The following SLCO6A1 variants were observed in gnomAD, a reference collection of about 807,000 sequenced individuals.
SLCO6A1 encodes cancer/testis antigen 48.
SLCO6A1 carries 65 observed loss-of-function variants against 72.7 expected under a neutral mutation model. That is an observed-to-expected ratio of 0.89 (90% CI 0.73 to 1.10). The LOEUF (loss-of-function observed/expected upper bound fraction) is 1.10, where lower values mean the gene tolerates loss of function less well. Ranked by LOEUF, SLCO6A1 falls within the 50% of genes least tolerant of loss-of-function variation. The pLI is 0.00. For missense variants in SLCO6A1, 874 were observed against 872.6 expected (o/e 1.00, Z -0.02); for synonymous variants, 314 against 298.2 (o/e 1.05, Z -0.55).
chr5:102,412,909 G>A (rs1290562700), intron 9 of SLCO6A1, 81 bp downstream of exon 9: 7 of 584,692 alleles, frequency 1.2e-5, no homozygotes, highest in Non-Finnish European at 1.7e-5. Flanking sequence ...CACTAAAGAG[G>A]AAGAAGCATA....
rs138844385 is a variant in SLCO6A1 at position 102,471,693 on chromosome 5, C to T, written c.899+4004G>A. Among the ~76,000 whole-genome samples, 1,019 of 152,102 alleles carry T rather than the reference C, an allele frequency of 6.7e-3. 9 individuals carry two copies. The highest frequency in any genetic ancestry group is 0.023 in the African/African-American group (970 of 41,510). On this transcript the variant is annotated intron_variant, in intron 4 of 13. Coordinates refer to ENST00000506729, the MANE Select transcript of SLCO6A1 (RefSeq NM_173488.5). Reference sequence around the variant, plus strand: ...AATATCTGTGTACACAAACATTCAACATAGTTCTGGAACCCTATTGCTACT... The same window carrying T: ...AATATCTGTGTACACAAACATTCAATATAGTTCTGGAACCCTATTGCTACT...
chr5:102,493,641 C>G (rs1483290094), intron 1 of SLCO6A1, among the ~76,000 whole-genome samples: 5 of 152,016 alleles, frequency 3.3e-5, no homozygotes, highest in Non-Finnish European at 7.4e-5. Flanking sequence ...GGGAGCCTAG[C>G]CAGTGGAATA....
rs1057360885 is a variant in SLCO6A1, at chr5:102,413,265, T to C, written c.1473-122A>G. On this transcript the variant is annotated intron_variant, in intron 8 of 13. Coordinates refer to ENST00000506729, the MANE Select transcript of SLCO6A1 (RefSeq NM_173488.5). ...TGAAATAATTTCTTTTTTTAACAGC[T>C]TTACTGAGGTCTGAGGTACAATAGA... is the stretch of plus-strand genomic sequence containing the variant. The C allele has an allele frequency of 9.5e-6, 9 of 947,320 alleles. No individual in the cohort carries two copies. In the African/African-American group the frequency reaches 1.4e-4, roughly 15 times the overall value. The allele number at this position is 947,320 out of a possible 1,614,324, so 58.7% of individuals were successfully genotyped here. A position where few individuals can be genotyped will look rare whatever the true frequency, so the allele number is the denominator to read the frequency against.
At chr5:102,434,477 G>T (rs888529135) in intron 7 of SLCO6A1, among the ~76,000 whole-genome samples, 1 of 152,130 alleles carries the variant, frequency 6.6e-6, no homozygotes, top group African/African-American at 2.4e-5. Flanking sequence ...AACCTAGCAG[G>T]AACTCTCATT....
intron 1 of SLCO6A1, among the ~76,000 whole-genome samples, chr5:102,492,477 T>A (rs1257955310): frequency 5.3e-5 from 8 of 151,774 alleles, no homozygotes; most frequent in Non-Finnish European, 1.0e-4. Context: ...AGAAGACAGG[T>A]GATTTCTGCA....
chr5:102,414,937 A>AAATAAATT (rs1561441840), intron 8 of SLCO6A1, among the ~76,000 whole-genome samples: 3 of 120,744 alleles, frequency 2.5e-5, no homozygotes, highest in African/African-American at 8.1e-5. Context: ...ATAAATAAAT[A>AAATAAATT]AATTAATTAA....
At chr5:102,415,133 G>A (rs1748211331) in intron 8 of SLCO6A1, among the ~76,000 whole-genome samples, 1 of 151,948 alleles carries the variant, frequency 6.6e-6, no homozygotes, top group Non-Finnish European at 1.5e-5. Context: ...TGATTTTACT[G>A]CCCAAAGCAA....
At chr5:102,486,423 A>G (rs1044138875) in intron 1 of SLCO6A1, among the ~76,000 whole-genome samples, 5 of 152,110 alleles carry the variant, frequency 3.3e-5, no homozygotes, top group Admixed American at 2.6e-4. Flanking sequence ...CATTCATTGA[A>G]TACTTTAATG....
chr5:102,427,117 G>T (rs1748935340), intron 7 of SLCO6A1, among the ~76,000 whole-genome samples: 1 of 151,860 alleles, frequency 6.6e-6, no homozygotes, highest in Non-Finnish European at 1.5e-5. Context: ...AATAAAAAGA[G>T]ATGATAAAAA....
Position 102,430,174 on chromosome 5 carries a change from G to T in SLCO6A1, c.1276+8443C>A, listed in dbSNP as rs367573154. ...TTTTGTATCCAGAAACTTTGCTGAT[G>T]GCTGTTTCTCAGCTTAAGGAGCTTT... On this transcript the variant is annotated intron_variant, in intron 7 of 13. Transcript: ENST00000506729. Among the ~76,000 whole-genome samples, 4 of 152,150 alleles carry T rather than the reference G, an allele frequency of 2.6e-5. No homozygotes were observed. The East Asian group carries it at 7.7e-4, about 29-fold the overall frequency.
chr5:102,471,011 T>C (rs1339429265), intron 4 of SLCO6A1, among the ~76,000 whole-genome samples: 1 of 152,064 alleles, frequency 6.6e-6, no homozygotes, highest in Non-Finnish European at 1.5e-5. Context: ...TTATAGGCGG[T>C]GGAGTTAGCT....
At chr5:102,423,613 A>T (rs999668514) in intron 7 of SLCO6A1, among the ~76,000 whole-genome samples, 1 of 152,222 alleles carries the variant, frequency 6.6e-6, no homozygotes, top group South Asian at 2.1e-4. Flanking sequence ...GAGCACCAAG[A>T]TTCATAAAGC....
At chr5:102,422,203 G>A (rs1174549191) in intron 7 of SLCO6A1, among the ~76,000 whole-genome samples, 3 of 152,160 alleles carry the variant, frequency 2.0e-5, no homozygotes, top group Non-Finnish European at 4.4e-5. Context: ...CCCAAAACCA[G>A]AATGCCTCTT....
At chr5:102,383,365 T>C (rs1746232252) in intron 12 of SLCO6A1, among the ~76,000 whole-genome samples, 1 of 151,604 alleles carries the variant, frequency 6.6e-6, no homozygotes, top group African/African-American at 2.4e-5. Flanking sequence ...TGTGTTAAGA[T>C]ACATTCCTCT....
chr5:102,457,583 A>T (rs1192768005), intron 6 of SLCO6A1, among the ~76,000 whole-genome samples: 1 of 152,244 alleles, frequency 6.6e-6, no homozygotes, highest in Non-Finnish European at 1.5e-5. Context: ...AATGGCGATC[A>T]TTAAAAAGTC....
intron 11 of SLCO6A1, among the ~76,000 whole-genome samples, chr5:102,389,455 C>CGT (rs1554065650): frequency 3.5e-5 from 2 of 57,346 alleles, no homozygotes; most frequent in Non-Finnish European, 9.1e-5. Context: ...GCCCCCCACC[C>CGT]CCACACACAC....
At chr5:102,411,249 A>G (rs1218874506) in intron 9 of SLCO6A1, among the ~76,000 whole-genome samples, 5 of 149,826 alleles carry the variant, frequency 3.3e-5, no homozygotes, top group South Asian at 4.2e-4. Flanking sequence ...TTGTGTGTGT[A>G]TGTGTGTGTG....
At chr5:102,443,460 A>C (rs1248392726) in intron 6 of SLCO6A1, among the ~76,000 whole-genome samples, 1 of 152,158 alleles carries the variant, frequency 6.6e-6, no homozygotes, top group Non-Finnish European at 1.5e-5. Context: ...AGAGGAACTG[A>C]CTAGATTAGT....
At chr5:102,395,080 T>G (rs1220802451) in intron 10 of SLCO6A1, among the ~76,000 whole-genome samples, 1 of 152,208 alleles carries the variant, frequency 6.6e-6, no homozygotes, top group East Asian at 1.9e-4. Context: ...AGGGTACATG[T>G]GCACAACGTG....
Sources: allele counts gnomAD v4.1 joint callset (sites outside exome capture counted in the v4.1 genomes callset), GRCh38; gene constraint gnomAD v4.1.1; transcripts MANE v1.5; gene names NCBI Gene and HGNC (gene_info 2026-07-23, HGNC 2026-07-21).